PTPRD: variants seen among roughly 807,000 people sequenced by gnomAD.
The protein encoded by PTPRD is protein tyrosine phosphatase receptor type D.
PTPRD carries 34 observed loss-of-function variants against 214.5 expected under a neutral mutation model. The ratio of observed to expected loss-of-function variants is 0.16; its 90% CI spans 0.12 to 0.21. The LOEUF (loss-of-function observed/expected upper bound fraction) is 0.21. PTPRD is among the 10% of genes least tolerant of loss of function. The pLI, the probability that PTPRD is intolerant of heterozygous loss-of-function variation, is 1.00. For synonymous variants in PTPRD, 1,128 were observed against 845.7 expected, an observed-to-expected ratio of 1.33 and a Z score of -5.79; for missense variants, 2,545 against 2,398.7, an observed-to-expected ratio of 1.06 and a Z score of -1.27.
At chr9:9,957,513 A>C (rs2094025389) in intron 4 of PTPRD, among the ~76,000 whole-genome samples, 1 of 152,180 alleles carries the variant, frequency 6.6e-6, no homozygotes, top group Non-Finnish European at 1.5e-5. Context: ...AAATAATTGA[A>C]ATTAAAATTC....
intron 4 of PTPRD, among the ~76,000 whole-genome samples, chr9:10,003,975 A>G (rs2096401928): frequency 6.6e-6 from 1 of 151,888 alleles, no homozygotes; most frequent in South Asian, 2.1e-4. Flanking sequence ...TACAAATAAG[A>G]GGAAAAAAAG....
intron 3 of PTPRD, among the ~76,000 whole-genome samples, chr9:10,087,838 C>G (rs965063906): frequency 6.6e-6 from 1 of 151,672 alleles, no homozygotes; most frequent in Non-Finnish European, 1.5e-5. Context: ...ACTTCTTTAT[C>G]TAAAAGTGTA....
At chr9:8,736,780 C>A (rs1232498744) in intron 11 of PTPRD, among the ~76,000 whole-genome samples, 3 of 151,882 alleles carry the variant, frequency 2.0e-5, no homozygotes, top group Non-Finnish European at 4.4e-5. Flanking sequence ...CAGAAGCTGG[C>A]CAGCTGTTCC....
chr9:10,232,017 TGTGTGTGTGTGA>T (rs1268892929), intron 3 of PTPRD, among the ~76,000 whole-genome samples: 4 of 151,036 alleles, frequency 2.6e-5, no homozygotes, highest in Middle Eastern at 3.2e-3. Flanking sequence ...TGTGTGTGTG[TGTGTGTGTGTGA>T]GGTGCACTCT....
At chr9:9,302,812 C>T (rs960772772) in intron 9 of PTPRD, among the ~76,000 whole-genome samples, 1 of 151,696 alleles carries the variant, frequency 6.6e-6, no homozygotes, top group Non-Finnish European at 1.5e-5. Context: ...TGCTCCTTTA[C>T]TTAGCTCTGA....
At chr9:8,586,335 T>C (rs931804304) in intron 14 of PTPRD, among the ~76,000 whole-genome samples, 3 of 152,278 alleles carry the variant, frequency 2.0e-5, no homozygotes, top group African/African-American at 7.2e-5. Context: ...TTGTGTATTA[T>C]AAATAGACTC....
intron 9 of PTPRD, among the ~76,000 whole-genome samples, chr9:9,373,662 C>A (rs1410305799): frequency 3.3e-5 from 5 of 152,096 alleles, no homozygotes; most frequent in Admixed American, 2.6e-4. Context: ...CTAATGAAAT[C>A]TCCATTTCCT....
At chr9:8,817,438 C>T (rs2096942976) in intron 11 of PTPRD, among the ~76,000 whole-genome samples, 1 of 152,154 alleles carries the variant, frequency 6.6e-6, no homozygotes, top group African/African-American at 2.4e-5. Context: ...AACATAGTGA[C>T]ACCCTGTCAT....
chr9:8,791,568 T>C (rs10815948), intron 11 of PTPRD, among the ~76,000 whole-genome samples: 54,046 of 139,474 alleles, frequency 0.39, 11,458 homozygotes, highest in Middle Eastern at 0.5. Context: ...TGCTCTGTCT[T>C]CCAGGCTATA....
At chr9:9,215,617 C>T (rs1034003112) in intron 9 of PTPRD, among the ~76,000 whole-genome samples, 2 of 152,078 alleles carry the variant, frequency 1.3e-5, no homozygotes, top group African/African-American at 2.4e-5. Flanking sequence ...AGCTGAGGCA[C>T]AGTGAGGTGG....
intron 4 of PTPRD, among the ~76,000 whole-genome samples, chr9:10,027,978 C>T (rs1262587917): frequency 6.6e-6 from 1 of 152,062 alleles, no homozygotes; most frequent in Non-Finnish European, 1.5e-5. Flanking sequence ...GTAATATCTC[C>T]CACCTGTCCA....
At chr9:8,706,010 T>C (rs2098199080) in intron 12 of PTPRD, among the ~76,000 whole-genome samples, 1 of 152,186 alleles carries the variant, frequency 6.6e-6, no homozygotes, top group Non-Finnish European at 1.5e-5. Context: ...TCAATTCTGC[T>C]GCTTCACTAC....
chr9:8,752,785 A>T (rs1164005835), intron 11 of PTPRD, among the ~76,000 whole-genome samples: 1 of 152,038 alleles, frequency 6.6e-6, no homozygotes, highest in Non-Finnish European at 1.5e-5. Flanking sequence ...TCCAATCATG[A>T]TCATCTAAGC....
At chr9:8,632,692 G>C (rs1002171044) in intron 14 of PTPRD, among the ~76,000 whole-genome samples, 2 of 151,986 alleles carry the variant, frequency 1.3e-5, no homozygotes. Flanking sequence ...CTGTACTGGA[G>C]ATCTGGCAAC....
At chr9:8,672,665 C>G (rs1209135054) in intron 12 of PTPRD, among the ~76,000 whole-genome samples, 1 of 152,014 alleles carries the variant, frequency 6.6e-6, no homozygotes, top group Non-Finnish European at 1.5e-5. Flanking sequence ...TAGGAAAGCA[C>G]CACTTCACAA....
intron 7 of PTPRD, among the ~76,000 whole-genome samples, chr9:9,611,467 G>A (rs1050294578): frequency 1.3e-5 from 2 of 151,894 alleles, no homozygotes; most frequent in African/African-American, 4.8e-5. Flanking sequence ...TTTTGTATAT[G>A]TCAATAACAT....
At chr9:9,613,916 C>T (rs368047899) in intron 7 of PTPRD, among the ~76,000 whole-genome samples, 3 of 152,108 alleles carry the variant, frequency 2.0e-5, no homozygotes, top group Admixed American at 1.3e-4. Context: ...GTTTTGGAGA[C>T]AGACAGATAA....
intron 5 of PTPRD, among the ~76,000 whole-genome samples, chr9:9,789,343 G>A (rs1253356809): frequency 6.6e-6 from 1 of 152,152 alleles, no homozygotes; most frequent in Non-Finnish European, 1.5e-5. Flanking sequence ...TCAAGCTTGG[G>A]AAGTGCACTG....
At chr9:9,472,407 G>A (rs1160601972) in intron 8 of PTPRD, among the ~76,000 whole-genome samples, 1 of 151,676 alleles carries the variant, frequency 6.6e-6, no homozygotes, top group Non-Finnish European at 1.5e-5. Context: ...GTTTCACCTT[G>A]TTAGCCAGGA....
Sources: gnomAD v4.1 joint callset for allele counts (sites outside exome capture counted in the v4.1 genomes callset) on GRCh38, gnomAD v4.1.1 for gene constraint, MANE v1.5 for transcripts, NCBI Gene and HGNC (gene_info 2026-07-23, HGNC 2026-07-21) for gene names.